The following LIPI variants were observed in gnomAD, a reference collection of about 807,000 sequenced individuals.
LIPI encodes the protein lipase member I.
In LIPI, 59 loss-of-function variants were observed where a neutral mutation model predicts 50.6. The observed-to-expected ratio is 1.16, with a 90% CI of 0.94 to 1.45. The LOEUF (loss-of-function observed/expected upper bound fraction) is 1.45. Ranked by LOEUF, LIPI falls within the 40% of genes most tolerant of loss-of-function variation. The pLI is 0.00. For synonymous variants in LIPI, 203 were observed against 178.2 expected (o/e 1.14, Z -1.11); for missense variants, 586 against 536.3 (o/e 1.09, Z -0.92).
At chr21:14,145,782 G>A (rs2822433) in intron 8 of LIPI, among the ~76,000 whole-genome samples, 5 of 151,892 alleles carry the variant, frequency 3.3e-5, no homozygotes, top group Non-Finnish European at 7.4e-5. Flanking sequence ...TTAATCAAAG[G>A]TGACAATCAC....
At chr21:14,173,151 C>G (rs929518036) in intron 4 of LIPI, among the ~76,000 whole-genome samples, 1 of 152,066 alleles carries the variant, frequency 6.6e-6, no homozygotes, top group Admixed American at 6.5e-5. Context: ...GATATTTGTG[C>G]GAATACGCTC....
chr21:14,172,951 T>A (rs1025383786), intron 4 of LIPI, among the ~76,000 whole-genome samples: 3 of 152,150 alleles, frequency 2.0e-5, no homozygotes, highest in Admixed American at 1.3e-4. Flanking sequence ...GAAACCATAA[T>A]AAACAAGTAA....
At chr21:14,112,008 T>C (rs2016436457) in intron 9 of LIPI, among the ~76,000 whole-genome samples, 1 of 152,112 alleles carries the variant, frequency 6.6e-6, no homozygotes, top group African/African-American at 2.4e-5. Context: ...TCTCCCACAC[T>C]AATCTCTTTT....
chr21:14,185,047 C>T (rs1004640854), intron 3 of LIPI, among the ~76,000 whole-genome samples: 4 of 151,722 alleles, frequency 2.6e-5, no homozygotes, highest in African/African-American at 7.3e-5. Context: ...TGAATAATTG[C>T]TTTTTTTTCA....
At chr21:14,161,963 C>A (rs1016908384) in intron 7 of LIPI, among the ~76,000 whole-genome samples, 5 of 141,434 alleles carry the variant, frequency 3.5e-5, no homozygotes, top group African/African-American at 1.3e-4. Context: ...TTATTTCACT[C>A]AGCATAATTC....
intron 1 of LIPI, among the ~76,000 whole-genome samples, chr21:14,208,800 C>A (rs1277424149): frequency 6.6e-6 from 1 of 152,104 alleles, no homozygotes; most frequent in African/African-American, 2.4e-5. Flanking sequence ...GCCTGTAATC[C>A]CAGCACTTTG....
At chr21:14,128,634 A>G (rs1435041662) in intron 9 of LIPI, among the ~76,000 whole-genome samples, 2 of 151,988 alleles carry the variant, frequency 1.3e-5, no homozygotes, top group African/African-American at 4.8e-5. Flanking sequence ...AGATGCCTAA[A>G]TAGTCAAAGA....
At position 14,163,407 on chromosome 21, in the gene LIPI, T is replaced by G. The variant is rs1253651327; in HGVS notation, c.1006+12A>C. 3 of 1,224,358 alleles carry G rather than the reference T, an allele frequency of 2.5e-6. No homozygotes were observed. The highest frequency in any genetic ancestry group is 3.6e-6 in the Non-Finnish European group (3 of 825,942). 75.8% of individuals were successfully genotyped at this position (1,224,358 alleles called of 1,614,324 possible). On this transcript the variant is annotated intron_variant, in intron 7 of 9. Transcript: ENST00000681601. ...AAAATTTGTTTATTTGTTAAAATTG[T>G]TAATAACTTACTACAGAATGGATAT... is the stretch of plus-strand genomic sequence containing the variant.
intron 1 of LIPI, among the ~76,000 whole-genome samples, chr21:14,196,823 C>T (rs978029297): frequency 3.9e-5 from 6 of 151,968 alleles, no homozygotes; most frequent in Non-Finnish European, 8.8e-5. Flanking sequence ...GAGAACCTAT[C>T]TCAACAACAA....
intron 1 of LIPI, among the ~76,000 whole-genome samples, chr21:14,192,256 G>C: frequency 6.6e-6 from 1 of 152,162 alleles, no homozygotes; most frequent in East Asian, 1.9e-4. Context: ...CCTGAGATCA[G>C]GAGTTCGAGA....
chr21:14,172,309 C>T (rs575347396), intron 4 of LIPI, among the ~76,000 whole-genome samples: 1 of 152,162 alleles, frequency 6.6e-6, no homozygotes, highest in African/African-American at 2.4e-5. Flanking sequence ...GTCAGTGTGG[C>T]GATTCCTCAG....
intron 9 of LIPI, among the ~76,000 whole-genome samples, chr21:14,113,742 G>T (rs1197088039): frequency 2.6e-5 from 4 of 152,176 alleles, no homozygotes; most frequent in Admixed American, 2.0e-4. Flanking sequence ...CCCAAGACTG[G>T]GTAATTTATA....
intron 7 of LIPI, among the ~76,000 whole-genome samples, chr21:14,156,827 G>A (rs1229661555): frequency 1.3e-5 from 2 of 151,822 alleles, no homozygotes; most frequent in African/African-American, 4.8e-5. Context: ...GACACAGGAG[G>A]AAATAAGGAA....
At chr21:14,161,633 ATATAATATATACATTATTATATATTAATG>A (rs1568858323) in intron 7 of LIPI, among the ~76,000 whole-genome samples, 8 of 100,584 alleles carry the variant, frequency 8.0e-5, no homozygotes, top group South Asian at 5.4e-4. Flanking sequence ...ATATATTAAT[ATATAATATATACATTATTATATATTAATG>A]TATAATATAT....
intron 2 of LIPI, 99 bp from the exon 3 acceptor site, chr21:14,186,168 T>C (rs1401205353): frequency 9.1e-6 from 7 of 769,296 alleles, no homozygotes; most frequent in Non-Finnish European, 1.4e-5. Context: ...ATTATTTTTC[T>C]GGCTTGATTC....
intron 9 of LIPI, among the ~76,000 whole-genome samples, chr21:14,134,092 A>G (rs1417366517): frequency 1.3e-5 from 2 of 151,954 alleles, no homozygotes; most frequent in Non-Finnish European, 2.9e-5. Flanking sequence ...ATAGTCAGGC[A>G]TGGTGGTGCA....
At chr21:14,181,884 A>C in intron 3 of LIPI, 25 bp from the exon 4 acceptor site, 1 of 1,252,752 alleles carries the variant, frequency 8.0e-7, no homozygotes, top group East Asian at 2.3e-5. Flanking sequence ...AGAAATAATC[A>C]GTCTCATCAA....
intron 9 of LIPI, among the ~76,000 whole-genome samples, chr21:14,127,315 T>G (rs922904517): frequency 3.3e-5 from 5 of 152,290 alleles, no homozygotes; most frequent in African/African-American, 9.6e-5. Flanking sequence ...AATAGATGGT[T>G]TCAGCAATTA....
intron 9 of LIPI, among the ~76,000 whole-genome samples, chr21:14,113,233 C>T (rs1347213431): frequency 6.6e-6 from 1 of 152,170 alleles, no homozygotes; most frequent in African/African-American, 2.4e-5. Flanking sequence ...GGAAAATGGA[C>T]CCATATGAGG....
Sources: allele counts gnomAD v4.1 joint callset (sites outside exome capture counted in the v4.1 genomes callset), GRCh38; gene constraint gnomAD v4.1.1; transcripts MANE v1.5; gene names NCBI Gene and HGNC (gene_info 2026-07-23, HGNC 2026-07-21).